The following CHCHD6 variants were observed in gnomAD, a reference collection of about 807,000 sequenced individuals.
CHCHD6 encodes the protein MICOS complex subunit MIC25.
Under a neutral mutation model 32.3 loss-of-function variants are expected in CHCHD6, and 28 were observed. That is an observed-to-expected ratio of 0.87 (90% confidence interval 0.64 to 1.19). The LOEUF (loss-of-function observed/expected upper bound fraction) is 1.19. Among genes scored for constraint, CHCHD6 ranks in the 50% most tolerant of loss-of-function variants. The pLI is 0.00. For synonymous variants in CHCHD6, 122 were observed against 117.5 expected, an observed-to-expected ratio of 1.04 and a Z score of -0.25; for missense variants, 333 against 307.0, an observed-to-expected ratio of 1.08 and a Z score of -0.63.
At chr3:126,771,439 G>A (rs1175737327) in intron 4 of CHCHD6, among the ~76,000 whole-genome samples, 3 of 152,024 alleles carry the variant, frequency 2.0e-5, no homozygotes, top group East Asian at 3.9e-4. Context: ...TCCTGACCTC[G>A]TGATCTTGAT....
intron 1 of CHCHD6, among the ~76,000 whole-genome samples, chr3:126,709,764 A>G (rs1008566365): frequency 1.3e-5 from 2 of 152,198 alleles, no homozygotes; most frequent in African/African-American, 4.8e-5. Context: ...GCGTCTCTTC[A>G]TGTGCCTATC....
intron 6 of CHCHD6, among the ~76,000 whole-genome samples, chr3:126,933,903 C>G (rs1053982269): frequency 6.6e-6 from 1 of 152,168 alleles, no homozygotes; most frequent in Non-Finnish European, 1.5e-5. Context: ...CAAAATACCC[C>G]CTTCTCCACA....
At chr3:126,942,622 T>C (rs72982820) in intron 6 of CHCHD6, among the ~76,000 whole-genome samples, 4,724 of 152,208 alleles carry the variant, frequency 0.031, 164 homozygotes, top group East Asian at 0.16. Context: ...CTCTTCATTA[T>C]TTACTTTCTA....
Position 126,903,335 on chromosome 3 carries a change from A to G in CHCHD6, c.496-11345A>G, listed in dbSNP as rs569519372. Among the ~76,000 whole-genome samples, 14 of 152,304 alleles carry G rather than the reference A, an allele frequency of 9.2e-5. No homozygotes were observed. The East Asian group carries it at 2.7e-3, about 29-fold the overall frequency. On this transcript the variant is annotated intron_variant, in intron 5 of 7. Transcript: ENST00000290913. Reference sequence around the variant, plus strand: ...AGCAGCCGCACTGGATCCTCAGGGCATAACGTTGTCCCTTAACCCTGGAAT... The same window carrying G: ...AGCAGCCGCACTGGATCCTCAGGGCGTAACGTTGTCCCTTAACCCTGGAAT...
At chr3:126,934,948 A>T (rs992160608) in intron 6 of CHCHD6, 3 of 172,478 alleles carry the variant, frequency 1.7e-5, no homozygotes, top group African/African-American at 7.2e-5. Flanking sequence ...TTAAACATGG[A>T]TTTTTAAAAT....
At position 126,914,693 on chromosome 3, in the gene CHCHD6, A is replaced by G. The variant is rs150105456; in HGVS notation, c.509A>G (p.Tyr170Cys). 1.2e-5 allele frequency: 19 copies of G among 1,589,902 alleles called. No homozygotes were observed. The highest frequency in any genetic ancestry group is 1.7e-5 in the Admixed American group (1 of 59,988). ...ERIERKNAEM[Y>C]KLSSEQFHEA... ...TTCTCCTTGTAGAATGCTGAGATGTATAAACTGTCTTCAGAGCAATTCCAT... is the reference window on the plus strand; with the variant it reads ...TTCTCCTTGTAGAATGCTGAGATGTGTAAACTGTCTTCAGAGCAATTCCAT... Residue 170 changes from tyrosine (Y) to cysteine (C), a missense_variant, in exon 6 of 8, where the codon TAT (tyrosine) becomes TGT (cysteine). Coordinates refer to ENST00000290913, the MANE Select transcript of CHCHD6 (RefSeq NM_032343.3).
chr3:126,746,915 C>T (rs1238235125), intron 4 of CHCHD6, among the ~76,000 whole-genome samples: 1 of 152,148 alleles, frequency 6.6e-6, no homozygotes, highest in Non-Finnish European at 1.5e-5. Flanking sequence ...TAATCCGTGG[C>T]TGCACAGGCA....
intron 5 of CHCHD6, among the ~76,000 whole-genome samples, chr3:126,907,289 G>A (rs891702773): frequency 6.6e-6 from 1 of 152,112 alleles, no homozygotes; most frequent in Non-Finnish European, 1.5e-5. Flanking sequence ...GGAAAGAGGG[G>A]TCTCCCTCTC....
intron 3 of CHCHD6, among the ~76,000 whole-genome samples, chr3:126,732,377 T>A (rs1284385975): frequency 6.6e-6 from 1 of 152,222 alleles, no homozygotes; most frequent in Non-Finnish European, 1.5e-5. Context: ...TAATGATTTG[T>A]CATTAGTTGC....
chr3:126,759,575 T>C (rs1937086978), intron 4 of CHCHD6, among the ~76,000 whole-genome samples: 1 of 152,184 alleles, frequency 6.6e-6, no homozygotes, highest in African/African-American at 2.4e-5. Flanking sequence ...CCAGCTACAC[T>C]GTCTCTATAA....
At chr3:126,802,647 A>T (rs1407584373) in intron 4 of CHCHD6, among the ~76,000 whole-genome samples, 1 of 152,188 alleles carries the variant, frequency 6.6e-6, no homozygotes, top group South Asian at 2.1e-4. Context: ...TCTGCAGGAT[A>T]TTATCCAGGA....
intron 6 of CHCHD6, among the ~76,000 whole-genome samples, chr3:126,939,731 T>C (rs1034199086): frequency 3.9e-5 from 6 of 152,244 alleles, no homozygotes; most frequent in Non-Finnish European, 7.3e-5. Flanking sequence ...TTTACACATA[T>C]TCCACTCACT....
intron 2 of CHCHD6, 107 bp from the exon 3 acceptor site, chr3:126,730,453 TC>T: frequency 1.1e-6 from 1 of 872,388 alleles, no homozygotes; most frequent in Middle Eastern, 2.3e-4. Flanking sequence ...GATGCTGCCT[TC>T]CAAGGGGCAC....
intron 4 of CHCHD6, among the ~76,000 whole-genome samples, chr3:126,767,904 A>G (rs1937440915): frequency 6.6e-6 from 1 of 152,150 alleles, no homozygotes; most frequent in Admixed American, 6.5e-5. Context: ...AGCTCCATCT[A>G]TGTTGCCACA....
rs150211791 is a variant in CHCHD6, at chr3:126,874,779, A to T, written c.495+22049A>T. On this transcript the variant is annotated intron_variant, in intron 5 of 7. Transcript: ENST00000290913. The stretch of plus-strand genomic sequence containing the variant: ...CAATAAGTCCATATTTCTCATTACC[A>T]CACAAAACAGCCTGCCAGTTCCCTG... Among the ~76,000 whole-genome samples the T allele has an allele frequency of 5.8e-3, 876 of 151,994 alleles. 10 individuals are homozygous for T. Among genetic ancestry groups the T allele is most frequent in the African/African-American group, 0.02 (841 of 41,442 alleles).
At chr3:126,927,308 T>C (rs2078338436) in intron 6 of CHCHD6, among the ~76,000 whole-genome samples, 2 of 152,144 alleles carry the variant, frequency 1.3e-5, no homozygotes, top group African/African-American at 4.8e-5. Flanking sequence ...CAGGGATGTG[T>C]GTGGAGCAAG....
intron 4 of CHCHD6, chr3:126,766,963 A>G: frequency 1.0e-6 from 1 of 971,510 alleles, no homozygotes; most frequent in South Asian, 1.4e-5. Context: ...GGAGTCCAGG[A>G]CCAGTGTGTG....
At chr3:126,916,866 C>T (rs142204648) in intron 6 of CHCHD6, among the ~76,000 whole-genome samples, 1,818 of 152,352 alleles carry the variant, frequency 0.012, 20 homozygotes, top group Middle Eastern at 0.048. Context: ...TTCTCTTACC[C>T]GAGCAGCTTC....
In CHCHD6 at chr3:126,857,848, T is replaced by C. The variant is rs35054421; in HGVS notation, c.495+5118T>C. On this transcript the variant is annotated intron_variant, in intron 5 of 7. Transcript: ENST00000290913. Reference sequence around the variant, plus strand: ...GTTTAACCTAAACTCTGAGACACCATTGGTGGAGTGTAAGTTGGCATAGCC... The same window carrying C: ...GTTTAACCTAAACTCTGAGACACCACTGGTGGAGTGTAAGTTGGCATAGCC... Among the ~76,000 whole-genome samples, 1,292 of 152,230 alleles carry C rather than the reference T, an allele frequency of 8.5e-3. 13 individuals are homozygous for C. Among genetic ancestry groups the C allele is most frequent in the African/African-American group, 0.029 (1,211 of 41,528 alleles).
Sources: allele counts gnomAD v4.1 joint callset (sites outside exome capture counted in the v4.1 genomes callset), GRCh38; gene constraint gnomAD v4.1.1; transcripts MANE v1.5; gene names NCBI Gene and HGNC (gene_info 2026-07-23, HGNC 2026-07-21).